The following GRXCR1 variants were observed in gnomAD, a reference collection of about 807,000 sequenced individuals.
The protein encoded by GRXCR1 is glutaredoxin and cysteine rich domain containing 1, also known as glutaredoxin domain-containing cysteine-rich protein 1.
GRXCR1 carries 27 observed loss-of-function variants against 27.3 expected under a neutral mutation model. The ratio of observed to expected loss-of-function variants is 0.99; its 90% CI spans 0.73 to 1.37. The LOEUF (loss-of-function observed/expected upper bound fraction) is 1.37, where lower values mean the gene tolerates loss of function less well. Ranked by LOEUF, GRXCR1 falls within the 40% of genes most tolerant of loss-of-function variation. The pLI is 0.00. For synonymous variants in GRXCR1, 122 were observed against 131.1 expected (o/e 0.93, Z 0.47); for missense variants, 379 against 354.4 (o/e 1.07, Z -0.56).
intron 1 of GRXCR1, among the ~76,000 whole-genome samples, chr4:42,913,643 T>C (rs920957427): frequency 2.6e-5 from 4 of 152,306 alleles, no homozygotes; most frequent in East Asian, 1.9e-4. Context: ...TCAAGCCTTC[T>C]GCAGAAATTT....
intron 2 of GRXCR1, among the ~76,000 whole-genome samples, chr4:42,996,963 T>C (rs1712187782): frequency 6.6e-6 from 1 of 152,180 alleles, no homozygotes; most frequent in Non-Finnish European, 1.5e-5. Flanking sequence ...CTCTATGTTC[T>C]ACTTCCTGAA....
chr4:42,983,843 T>C (rs1026149846), intron 2 of GRXCR1, among the ~76,000 whole-genome samples: 15 of 151,418 alleles, frequency 9.9e-5, no homozygotes, highest in African/African-American at 3.1e-4. Flanking sequence ...TCTTTCTTTT[T>C]TTTTTTTTTT....
intron 1 of GRXCR1, 57 bp downstream of exon 1, chr4:42,893,707 CCT>C (rs1405269954): frequency 6.6e-7 from 1 of 1,517,138 alleles, no homozygotes; most frequent in Non-Finnish European, 9.1e-7. Context: ...CATCTGAACA[CCT>C]CTCAGTTCTC....
chr4:42,897,316 C>A (rs1353758132), intron 1 of GRXCR1, among the ~76,000 whole-genome samples: 1 of 151,942 alleles, frequency 6.6e-6, no homozygotes, highest in Non-Finnish European at 1.5e-5. Context: ...TTTTTCTTGA[C>A]CTTATCCTCA....
chr4:42,962,642 C>G (rs1432355935), intron 1 of GRXCR1, among the ~76,000 whole-genome samples: 4 of 151,824 alleles, frequency 2.6e-5, no homozygotes, highest in Non-Finnish European at 1.5e-5. Context: ...ATGTGATCAA[C>G]TTTAAGATTA....
chr4:42,996,523 C>T (rs1386729485), intron 2 of GRXCR1, among the ~76,000 whole-genome samples: 2 of 151,736 alleles, frequency 1.3e-5, no homozygotes, highest in African/African-American at 4.8e-5. Context: ...GTTTGCACAA[C>T]AAAAAAATCT....
At position 43,010,543 on chromosome 4, in the gene GRXCR1, C is replaced by T. The variant is rs184123919; in HGVS notation, c.628-9811C>T. 2.1e-3 allele frequency among the ~76,000 whole-genome samples: 318 copies of T among 151,732 alleles called. 3 individuals are homozygous for T. Among genetic ancestry groups the T allele is most frequent in the African/African-American group, 7.5e-3 (309 of 41,328 alleles). Reference sequence around the variant, plus strand: ...ATCACCTTTCGCTAAATGCTATGCCCAGATGAATTTTAGAGGATTCTCTAA... The same window carrying T: ...ATCACCTTTCGCTAAATGCTATGCCTAGATGAATTTTAGAGGATTCTCTAA... On this transcript the variant is annotated intron_variant, in intron 2 of 3. Coordinates refer to ENST00000399770, the MANE Select transcript of GRXCR1 (RefSeq NM_001080476.3).
chr4:42,970,331 G>A (rs1208749353), intron 2 of GRXCR1, among the ~76,000 whole-genome samples: 1 of 152,062 alleles, frequency 6.6e-6, no homozygotes, highest in Non-Finnish European at 1.5e-5. Context: ...GGAGCTATGA[G>A]GGGGCTCCAA....
At chr4:42,987,240 T>TTATATATATAC (rs1560676856) in intron 2 of GRXCR1, among the ~76,000 whole-genome samples, 9 of 63,098 alleles carry the variant, frequency 1.4e-4, no homozygotes, top group African/African-American at 4.1e-4. Context: ...TATATATATA[T>TTATATATATAC]AATATATAAT....
chr4:42,992,426 G>A (rs1712001810), intron 2 of GRXCR1, among the ~76,000 whole-genome samples: 1 of 152,036 alleles, frequency 6.6e-6, no homozygotes, highest in Admixed American at 6.6e-5. Flanking sequence ...AATTTAATGT[G>A]ATTTTATGCA....
At chr4:42,984,118 G>T (rs1209897851) in intron 2 of GRXCR1, among the ~76,000 whole-genome samples, 1 of 152,158 alleles carries the variant, frequency 6.6e-6, no homozygotes, top group African/African-American at 2.4e-5. Context: ...TTACAGGCAT[G>T]AGCCACCATG....
intron 2 of GRXCR1, among the ~76,000 whole-genome samples, chr4:42,972,921 G>A (rs1748422987): frequency 6.6e-6 from 1 of 151,968 alleles, no homozygotes; most frequent in Non-Finnish European, 1.5e-5. Context: ...ATTCAAAATT[G>A]TGAACTTAGT....
intron 1 of GRXCR1, among the ~76,000 whole-genome samples, chr4:42,922,770 A>G (rs776192458): frequency 2.0e-5 from 3 of 151,976 alleles, no homozygotes; most frequent in African/African-American, 4.8e-5. Flanking sequence ...CATAACCTCC[A>G]TGCTAGATAC....
Position 42,893,262 on chromosome 4 carries a change from T to C in GRXCR1, c.-5T>C, listed in dbSNP as rs771504419. 4.3e-6 allele frequency: 7 copies of C among 1,613,290 alleles called. No individual in the cohort carries two copies. The East Asian group carries it at 1.6e-4, about 36-fold the overall frequency. On this transcript the variant is annotated 5_prime_UTR_variant, in exon 1 of 4. Coordinates refer to ENST00000399770, the MANE Select transcript of GRXCR1 (RefSeq NM_001080476.3). ...TGTAAACTGTTCATATGGGTGGAGGTGACCATGCTTAAAAGGGAGATGAAG... is the reference window on the plus strand; with the variant it reads ...TGTAAACTGTTCATATGGGTGGAGGCGACCATGCTTAAAAGGGAGATGAAG...
intron 1 of GRXCR1, 78 bp downstream of exon 1, chr4:42,893,728 G>A: frequency 7.1e-7 from 1 of 1,406,056 alleles, no homozygotes; most frequent in Non-Finnish European, 1.0e-6. Context: ...TCCAGTTAAA[G>A]CAAGCCTCTC....
At chr4:42,906,554 T>A (rs1026461676) in intron 1 of GRXCR1, among the ~76,000 whole-genome samples, 1 of 152,114 alleles carries the variant, frequency 6.6e-6, no homozygotes, top group East Asian at 1.9e-4. Flanking sequence ...AGGAGAATAA[T>A]GTTAGAAAAG....
At chr4:42,918,070 C>G (rs886096288) in intron 1 of GRXCR1, among the ~76,000 whole-genome samples, 1 of 152,044 alleles carries the variant, frequency 6.6e-6, no homozygotes, top group East Asian at 1.9e-4. Flanking sequence ...AATAAATACT[C>G]TTGGTGTTGT....
At chr4:43,020,019 C>G (rs1255303349) in intron 2 of GRXCR1, among the ~76,000 whole-genome samples, 1 of 152,026 alleles carries the variant, frequency 6.6e-6, no homozygotes, top group Non-Finnish European at 1.5e-5. Context: ...ATTCCTTTCC[C>G]AGATGGTAGA....
chr4:42,939,921 A>G (rs1282720313), intron 1 of GRXCR1, among the ~76,000 whole-genome samples: 1 of 151,410 alleles, frequency 6.6e-6, no homozygotes, highest in Non-Finnish European at 1.5e-5. Context: ...CCTGTTATCT[A>G]TTTTTTCCCC....
Sources: gnomAD v4.1 joint callset for allele counts (sites outside exome capture counted in the v4.1 genomes callset) on GRCh38, gnomAD v4.1.1 for gene constraint, MANE v1.5 for transcripts, NCBI Gene and HGNC (gene_info 2026-07-23, HGNC 2026-07-21) for gene names.